The following ZNF469 variants were observed in gnomAD, a reference collection of about 807,000 sequenced individuals.
ZNF469 encodes the protein zinc finger protein 469.
In ZNF469, 1 loss-of-function variant was observed where a neutral mutation model predicts 1.0. The ratio of observed to expected loss-of-function variants is 1.00; its 90% CI spans 0.35 to 4.73. The LOEUF (loss-of-function observed/expected upper bound fraction) is 4.73. Among genes scored for constraint, ZNF469 ranks in the 30% most tolerant of loss-of-function variants. The pLI is 0.16. For missense variants in ZNF469, 6,100 were observed against 5,356.3 expected (o/e 1.14, Z -4.33); for synonymous variants, 2,703 against 2,363.4 (o/e 1.14, Z -4.17).
chr16:88,354,984 G>A, the ZNF469 span, among the ~76,000 whole-genome samples: 2 of 152,178 alleles, frequency 1.3e-5, no homozygotes, highest in Admixed American at 1.3e-4. Context: ...CTCGTCTCTA[G>A]GCCCTTGTCC....
chr16:88,238,073 T>C, the ZNF469 span, among the ~76,000 whole-genome samples: 274 of 152,348 alleles, frequency 1.8e-3, no homozygotes, highest in African/African-American at 6.5e-3. Context: ...TATGAAGGTA[T>C]CTTGGTTTCT....
chr16:88,164,460 G>C, the ZNF469 span, among the ~76,000 whole-genome samples: 1 of 146,596 alleles, frequency 6.8e-6, no homozygotes, highest in Admixed American at 6.9e-5. Context: ...CGGATGGATG[G>C]ATAGATGGGT....
chr16:88,328,644 C>T, the ZNF469 span, among the ~76,000 whole-genome samples: 1 of 152,178 alleles, frequency 6.6e-6, no homozygotes, highest in African/African-American at 2.4e-5. Flanking sequence ...CCAAAATGCA[C>T]CAGACAAGGA....
chr16:88,233,480 A>T, the ZNF469 span, among the ~76,000 whole-genome samples: 11 of 152,298 alleles, frequency 7.2e-5, no homozygotes, highest in East Asian at 5.8e-4. Context: ...TGGCCAGGCC[A>T]CCTTGGATGG....
At chr16:88,151,497 C>G in the ZNF469 span, among the ~76,000 whole-genome samples, 2 of 152,354 alleles carry the variant, frequency 1.3e-5, no homozygotes, top group East Asian at 3.9e-4. The surrounding 1 kb of genome is among the most constrained non-coding windows in gnomAD (Gnocchi z 5.4). Context: ...CTGTAAGCGA[C>G]TGTCCAAAAG....
At chr16:88,146,622 C>T in the ZNF469 span, among the ~76,000 whole-genome samples, 1 of 152,094 alleles carries the variant, frequency 6.6e-6, no homozygotes, top group Admixed American at 6.5e-5. Context: ...CCCACCGTCT[C>T]CAGTCTCTGC....
At chr16:88,368,772 C>T in the ZNF469 span, among the ~76,000 whole-genome samples, 1 of 152,066 alleles carries the variant, frequency 6.6e-6, no homozygotes, top group South Asian at 2.1e-4. Context: ...GCAGTGCCAC[C>T]AGCTCACTGA....
the ZNF469 span, among the ~76,000 whole-genome samples, chr16:88,353,578 T>C: frequency 1.2e-4 from 19 of 152,166 alleles, no homozygotes; most frequent in Admixed American, 7.2e-4. Context: ...CCGGAGCCCA[T>C]TGGGTGCCTT....
chr16:88,221,467 G>A, the ZNF469 span, among the ~76,000 whole-genome samples: 2 of 152,224 alleles, frequency 1.3e-5, no homozygotes, highest in African/African-American at 2.4e-5. Context: ...CAGGATACAG[G>A]GCCTTGTAGA....
the ZNF469 span, among the ~76,000 whole-genome samples, chr16:88,277,727 CATGTAGATATCA>C: frequency 1.3e-5 from 1 of 75,968 alleles, no homozygotes; most frequent in Non-Finnish European, 2.8e-5. Flanking sequence ...TGGTCAGTAC[CATGTAGATATCA>C]TTAGTGCTGT....
At chr16:88,237,194 C>T in the ZNF469 span, among the ~76,000 whole-genome samples, 1 of 61,312 alleles carries the variant, frequency 1.6e-5, no homozygotes, top group Non-Finnish European at 3.5e-5. Context: ...ACCCTCCCTG[C>T]CCTCTGTGCT....
chr16:88,140,235 A>T, the ZNF469 span, among the ~76,000 whole-genome samples: 2 of 152,266 alleles, frequency 1.3e-5, no homozygotes, highest in South Asian at 4.1e-4. Flanking sequence ...TATTAAATGG[A>T]AGCTGTAAGA....
chr16:88,414,919 C>G (rs1597199267), intron 1 of ZNF469, among the ~76,000 whole-genome samples: 1 of 152,358 alleles, frequency 6.6e-6, no homozygotes, highest in African/African-American at 2.4e-5. Context: ...CAGTTTCCAG[C>G]TGCCCAGAGA....
the ZNF469 span, among the ~76,000 whole-genome samples, chr16:88,286,663 G>T: frequency 3.7e-4 from 57 of 152,378 alleles, no homozygotes; most frequent in Admixed American, 1.8e-3. Flanking sequence ...TCATTCAGCA[G>T]GGGCTGGCTG....
the ZNF469 span, among the ~76,000 whole-genome samples, chr16:88,121,003 C>T: frequency 4.6e-5 from 7 of 151,850 alleles, no homozygotes; most frequent in Non-Finnish European, 1.0e-4. Context: ...TGTTTTGCAC[C>T]CTCTCCTTCA....
chr16:88,422,450 G>GGAT (rs1905501828), intron 1 of ZNF469, among the ~76,000 whole-genome samples: 1 of 148,222 alleles, frequency 6.7e-6, no homozygotes, highest in Non-Finnish European at 1.5e-5. Context: ...GTGGGTGGAT[G>GGAT]GATGGGTGGA....
chr16:88,287,056 A>T, the ZNF469 span, among the ~76,000 whole-genome samples: 3 of 152,122 alleles, frequency 2.0e-5, no homozygotes, highest in East Asian at 5.8e-4. Flanking sequence ...AGTGTCCCCA[A>T]ACACTAGATT....
At chr16:88,167,685 C>T in the ZNF469 span, among the ~76,000 whole-genome samples, 2 of 152,150 alleles carry the variant, frequency 1.3e-5, no homozygotes, top group Admixed American at 1.3e-4. Context: ...GGAGCCACTC[C>T]GCTGCGTTTC....
chr16:88,220,516 G>A, the ZNF469 span, among the ~76,000 whole-genome samples: 1 of 152,328 alleles, frequency 6.6e-6, no homozygotes, highest in African/African-American at 2.4e-5. Context: ...ACCCATGACG[G>A]GACGGGGGTG....
Sources: gnomAD v4.1 joint callset for allele counts (sites outside exome capture counted in the v4.1 genomes callset) on GRCh38, gnomAD v4.1.1 for gene constraint, Gnocchi (gnomAD v3.1) non-coding constraint, MANE v1.5 for transcripts, NCBI Gene and HGNC (gene_info 2026-07-23, HGNC 2026-07-21) for gene names.